The following NCAM1 variants were observed in gnomAD, a reference collection of about 807,000 sequenced individuals.
NCAM1 encodes the protein neural cell adhesion molecule 1, also known as antigen recognized by monoclonal antibody 5.1H11.
In NCAM1, 14 loss-of-function variants were observed where a neutral mutation model predicts 109.8. The observed-to-expected ratio is 0.13, with a 90% CI of 0.08 to 0.20. The LOEUF (loss-of-function observed/expected upper bound fraction) is 0.20. Ranked by LOEUF, NCAM1 falls within the 10% of genes least tolerant of loss-of-function variation. The pLI is 1.00. For missense variants in NCAM1, 774 were observed against 1,109.9 expected, an observed-to-expected ratio of 0.70 and a Z score of 4.30; for synonymous variants, 418 against 442.9, an observed-to-expected ratio of 0.94 and a Z score of 0.70.
At chr11:113,001,206 T>A (rs942309970) in intron 1 of NCAM1, among the ~76,000 whole-genome samples, 2 of 152,158 alleles carry the variant, frequency 1.3e-5, no homozygotes, top group African/African-American at 4.8e-5. Context: ...CACTTTGTGA[T>A]AGTATGTCCC....
At chr11:113,170,079 G>C (rs925952803) in intron 1 of NCAM1, among the ~76,000 whole-genome samples, 3 of 152,084 alleles carry the variant, frequency 2.0e-5, no homozygotes, top group Non-Finnish European at 4.4e-5. Flanking sequence ...TTATATTTCT[G>C]TGGTGCTTTT....
chr11:112,989,448 C>A (rs1445749140), intron 1 of NCAM1, among the ~76,000 whole-genome samples: 7 of 152,124 alleles, frequency 4.6e-5, no homozygotes, highest in African/African-American at 1.7e-4. Flanking sequence ...TCCAGGATAT[C>A]TGCTTGGTTC....
chr11:113,172,047 A>G (rs1032674179), intron 1 of NCAM1, among the ~76,000 whole-genome samples: 5 of 152,116 alleles, frequency 3.3e-5, no homozygotes, highest in Admixed American at 6.5e-5. Flanking sequence ...GGACAGTACC[A>G]TAGTACCTTC....
At chr11:113,179,794 G>A (rs1484096801) in intron 1 of NCAM1, among the ~76,000 whole-genome samples, 1 of 152,184 alleles carries the variant, frequency 6.6e-6, no homozygotes, top group African/African-American at 2.4e-5. Flanking sequence ...GAAATACCAA[G>A]ATTTCTTTTG....
intron 1 of NCAM1, among the ~76,000 whole-genome samples, chr11:113,193,627 A>G (rs1943759813): frequency 6.6e-6 from 1 of 152,170 alleles, no homozygotes; most frequent in Non-Finnish European, 1.5e-5. Flanking sequence ...CAAGAAGAGC[A>G]AAATTCTGTG....
intron 1 of NCAM1, among the ~76,000 whole-genome samples, chr11:113,029,932 G>T (rs1292594973): frequency 2.6e-5 from 4 of 152,150 alleles, no homozygotes; most frequent in African/African-American, 9.7e-5. Context: ...AAAAGTGTAG[G>T]CTGGGGACCC....
intron 1 of NCAM1, among the ~76,000 whole-genome samples, chr11:113,039,006 C>G (rs1391204609): frequency 6.6e-6 from 1 of 152,112 alleles, no homozygotes; most frequent in Non-Finnish European, 1.5e-5. Flanking sequence ...TAAATGTCAT[C>G]CATTTGTCTA....
intron 9 of NCAM1, among the ~76,000 whole-genome samples, chr11:113,230,732 C>T: frequency 6.6e-6 from 1 of 152,218 alleles, no homozygotes; most frequent in East Asian, 1.9e-4. Flanking sequence ...CTACCCAGAA[C>T]AAGACCCTTT....
At position 113,273,405 on chromosome 11, in the gene NCAM1, G is replaced by C. The variant is rs1328799987; in HGVS notation, c.2456+1529G>C. On this transcript the variant is annotated intron_variant, in intron 19 of 19. Transcript: ENST00000316851. The surrounding 1 kb of genome is among the most constrained non-coding windows in gnomAD (Gnocchi z 6.0). ...AGCCAGTCCTCTAGCAGCAGCGGCTGCCCCTGCCACAGAAGCCCCTCAGGC... is the reference window on the plus strand; with the variant it reads ...AGCCAGTCCTCTAGCAGCAGCGGCTCCCCCTGCCACAGAAGCCCCTCAGGC... The C allele has an allele frequency of 6.1e-6, 2 of 327,680 alleles. No individual in the cohort carries two copies. The highest frequency in any genetic ancestry group is 4.4e-5 in the African/African-American group (2 of 45,948). 20.3% of individuals were successfully genotyped at this position (327,680 alleles called of 1,614,324 possible).
intron 9 of NCAM1, among the ~76,000 whole-genome samples, chr11:113,224,287 C>G (rs1268552451): frequency 6.6e-6 from 1 of 152,228 alleles, no homozygotes; most frequent in Non-Finnish European, 1.5e-5. Flanking sequence ...GAGATTATAT[C>G]CCGCGCATGG....
At chr11:112,979,880 C>T (rs1478994344) in intron 1 of NCAM1, among the ~76,000 whole-genome samples, 1 of 151,738 alleles carries the variant, frequency 6.6e-6, no homozygotes, top group Non-Finnish European at 1.5e-5. Flanking sequence ...GTGTAGACTT[C>T]ATAAGTATGC....
chr11:113,112,948 A>G (rs1048821206), intron 1 of NCAM1, among the ~76,000 whole-genome samples: 36 of 152,236 alleles, frequency 2.4e-4, no homozygotes, highest in African/African-American at 8.7e-4. Flanking sequence ...CCTGGCCAAC[A>G]TGGTGAAACC....
chr11:113,100,767 G>A (rs1591324902), intron 1 of NCAM1, among the ~76,000 whole-genome samples: 2 of 152,208 alleles, frequency 1.3e-5, no homozygotes, highest in African/African-American at 2.4e-5. Context: ...GGGTGGTTTT[G>A]GAAAAAGCAA....
At chr11:113,140,965 C>CA (rs1941796934) in intron 1 of NCAM1, among the ~76,000 whole-genome samples, 1 of 152,096 alleles carries the variant, frequency 6.6e-6, no homozygotes, top group African/African-American at 2.4e-5. Context: ...GTAGGACGAA[C>CA]ATAGTGCTCG....
chr11:113,254,441 A>G (rs1484293468), intron 15 of NCAM1, among the ~76,000 whole-genome samples: 1 of 152,216 alleles, frequency 6.6e-6, no homozygotes, highest in Admixed American at 6.5e-5. Flanking sequence ...CTAAATGTGC[A>G]CAGAGATCAC....
intron 1 of NCAM1, among the ~76,000 whole-genome samples, chr11:113,179,084 G>A (rs1447674282): frequency 1.1e-4 from 16 of 152,138 alleles, no homozygotes; most frequent in African/African-American, 3.9e-4. Context: ...TTTCACGGTG[G>A]GAGGATTTAC....
intron 1 of NCAM1, among the ~76,000 whole-genome samples, chr11:113,174,835 G>T (rs1352517941): frequency 3.3e-5 from 5 of 152,178 alleles, no homozygotes; most frequent in Non-Finnish European, 7.3e-5. Flanking sequence ...AAAACCCTCT[G>T]TGTGCATCCC....
Position 113,145,792 on chromosome 11 carries a change from A to T in NCAM1, c.53-56587A>T, listed in dbSNP as rs76802058. 5.9e-4 allele frequency among the ~76,000 whole-genome samples: 85 copies of T among 142,880 alleles called. 1 individual carries two copies. Among genetic ancestry groups the T allele is most frequent in the East Asian group, 3.7e-3 (17 of 4,558 alleles). The allele number at this position is 142,880 out of a possible 152,430, so 93.7% of individuals were successfully genotyped here. A position where few individuals can be genotyped will look rare whatever the true frequency, so the allele number is the denominator to read the frequency against. ...TCCTCCACCCCCTGAGAAACAGGCC[A>T]TGAAGTGGTAAGAGTCTGTGATAAT... On this transcript the variant is annotated intron_variant, in intron 1 of 19. Transcript: ENST00000316851.
At chr11:113,032,897 C>T (rs1433547258) in intron 1 of NCAM1, among the ~76,000 whole-genome samples, 3 of 152,146 alleles carry the variant, frequency 2.0e-5, no homozygotes, top group Non-Finnish European at 4.4e-5. Context: ...AATGAAATGA[C>T]TTGATTTAAA....
Sources: allele counts gnomAD v4.1 joint callset (sites outside exome capture counted in the v4.1 genomes callset), GRCh38; gene constraint gnomAD v4.1.1; non-coding constraint Gnocchi (gnomAD v3.1); transcripts MANE v1.5; gene names NCBI Gene and HGNC (gene_info 2026-07-23, HGNC 2026-07-21).